The following IWS1 variants were observed in gnomAD, a reference collection of about 807,000 sequenced individuals.
The protein encoded by IWS1 is protein IWS1 homolog.
A neutral mutation model predicts 86.7 loss-of-function variants in IWS1; 27 were observed. The observed-to-expected ratio is 0.31, with a 90% CI of 0.23 to 0.43. IWS1 has a LOEUF of 0.43. Among genes scored for constraint, IWS1 ranks in the 20% least tolerant of loss-of-function variants. The pLI, the probability that IWS1 is intolerant of heterozygous loss-of-function variation, is 1.00. For synonymous variants in IWS1, 313 were observed against 335.1 expected (o/e 0.93, Z 0.72); for missense variants, 827 against 1,000.8 (o/e 0.83, Z 2.34).
intron 2 of IWS1, chr2:127,514,709 G>C (rs1006670080): frequency 6.6e-6 from 1 of 152,526 alleles, no homozygotes; most frequent in African/African-American, 2.4e-5. Flanking sequence ...GCCAGCGCCT[G>C]TGTCGGTGCC....
chr2:127,499,744 G>GT lies in IWS1; in HGVS notation c.1468-1508dup. Among the ~76,000 whole-genome samples, 1 of 150,526 alleles carries GT rather than the reference G, an allele frequency of 6.6e-6. No homozygotes were observed. The highest frequency in any genetic ancestry group is 1.5e-5 in the Non-Finnish European group (1 of 67,924). ...TCTCTATTGCATTGGTTAAAAATAA[G>GT]TATTGTTTTTTTTTTGACCCAAGAA... On this transcript the variant is annotated intron_variant, in intron 5 of 13. Coordinates refer to ENST00000295321, the MANE Select transcript of IWS1 (RefSeq NM_017969.3). The surrounding 1 kb of genome is among the most constrained non-coding windows in gnomAD (Gnocchi z 4.0).
At chr2:127,495,202 G>A (rs12616200) in intron 7 of IWS1, among the ~76,000 whole-genome samples, 20,644 of 151,992 alleles carry the variant, frequency 0.14, 1,698 homozygotes, top group South Asian at 0.3. Flanking sequence ...TTTTAATGTA[G>A]AACATTAGCA....
At chr2:127,493,574 AT>A (rs1690346330) in intron 8 of IWS1, among the ~76,000 whole-genome samples, 164 bp from the exon 9 acceptor site, 1 of 152,250 alleles carries the variant, frequency 6.6e-6, no homozygotes, top group Non-Finnish European at 1.5e-5. Flanking sequence ...GCAGTATGAC[AT>A]TTAGTTCTTA....
chr2:127,505,390 G>C lies in IWS1; in HGVS notation c.513C>G (p.Asp171Glu). The C allele has an allele frequency of 6.2e-7, 1 of 1,614,152 alleles. No homozygotes were observed. Among genetic ancestry groups the C allele is most frequent in the Non-Finnish European group, 8.5e-7 (1 of 1,180,032 alleles). Reference sequence around the variant, plus strand: ...GTTTTAGAGCATCTTCTGTTTCAGAGTCACTAGCAGGACTCTTCTGGAGCT... The same window carrying C: ...GTTTTAGAGCATCTTCTGTTTCAGACTCACTAGCAGGACTCTTCTGGAGCT... Reference protein sequence around the residue: ...IEELQKSPASDSETEDALKPQ... With the variant: ...IEELQKSPASESETEDALKPQ... Residue 171 changes from aspartate to glutamate, a missense_variant, in exon 3 of 14, where the codon GAC becomes GAG. This residue lies in a region of IWS1 where 548 missense variants were observed against 560.2 expected (regional missense o/e 0.98). Coordinates refer to ENST00000295321, the MANE Select transcript of IWS1 (RefSeq NM_017969.3). This position sits in a 1 kb window ranked among gnomAD's most constrained non-coding sequence, Gnocchi z 5.0.
Position 127,526,292 on chromosome 2 carries a change from C to T in IWS1, c.-84G>A. ...CCAGGCGGTGTGACCCCGGATGGCG[C>T]GGCTAAGTGTTCAGAGACTGCCGCC... is the stretch of plus-strand genomic sequence containing the variant. On this transcript the variant is annotated 5_prime_UTR_variant, in exon 1 of 14. Coordinates refer to ENST00000295321, the MANE Select transcript of IWS1 (RefSeq NM_017969.3). 1.0e-5 allele frequency: 16 copies of T among 1,543,988 alleles called. No individual in the cohort carries two copies. The highest frequency in any genetic ancestry group is 1.3e-5 in the Non-Finnish European group (15 of 1,146,850).
upstream of IWS1, chr2:127,526,663 C>G: frequency 7.6e-7 from 1 of 1,320,084 alleles, no homozygotes; most frequent in East Asian, 5.3e-5. Flanking sequence ...TGGTCTGACC[C>G]CCGTGGTAAT....
Position 127,523,777 on chromosome 2 carries a change from T to C in IWS1, c.49A>G (p.Thr17Ala). ...GAATCCCGTTCATCCTGTACTGGGG[T>C]AGCACCACCATCATCTGATTAAAAA... ...SGDQSDDGGA[T>A]PVQDERDSGS... The change falls in exon 2 of 14, where the codon ACC becomes GCC. Residue 17 changes from threonine (T) to alanine (A), a missense_variant. By Grantham distance (58) the Thr-to-Ala change is moderately conservative (BLOSUM62 0). Transcript: ENST00000295321. 1 of 1,611,746 alleles carries C rather than the reference T, an allele frequency of 6.2e-7. No homozygotes were observed.
rs538353202 is a variant in IWS1, at chr2:127,496,073, G to A, written c.1641C>T (p.Arg547=). ...KSMSGKRRRN[R]DGGTFISDAD... ...CATCACTAATAAAGGTGCCACCATC[G>A]CGGTTCCGTCTGCGCTTGCCACTCA... The change falls in exon 7 of 14, where the codon CGC becomes CGT. Residue 547 remains arginine (R), a synonymous_variant. Transcript: ENST00000295321. The A allele has an allele frequency of 2.9e-5, 47 of 1,613,892 alleles. No individual in the cohort carries two copies. Among genetic ancestry groups the A allele is most frequent in the Middle Eastern group, 1.6e-4 (1 of 6,062 alleles).
intron 2 of IWS1, among the ~76,000 whole-genome samples, chr2:127,517,855 A>C (rs1274623498): frequency 6.6e-6 from 1 of 152,352 alleles, no homozygotes; most frequent in East Asian, 1.9e-4. Flanking sequence ...AAAATATAGT[A>C]TATCCATATA....
chr2:127,520,313 C>T (rs990607932), intron 2 of IWS1, among the ~76,000 whole-genome samples: 9 of 152,022 alleles, frequency 5.9e-5, no homozygotes, highest in African/African-American at 1.7e-4. Flanking sequence ...GGACTACAGG[C>T]GCAAACCACC....
Position 127,489,659 on chromosome 2 carries a change from C to G in IWS1, c.2159+173G>C. The G allele has an allele frequency of 1.7e-6, 1 of 591,324 alleles. No homozygotes were observed. Among genetic ancestry groups the G allele is most frequent in the Non-Finnish European group, 3.0e-6 (1 of 332,606 alleles). The allele number at this position is 591,324 out of a possible 1,614,324, so 36.6% of individuals were successfully genotyped here. Reference sequence around the variant, plus strand: ...AAGGTCTGGTTAGGAGGACAGGACCCTCACTATACACTATCACATTTAAAC... The same window carrying G: ...AAGGTCTGGTTAGGAGGACAGGACCGTCACTATACACTATCACATTTAAAC... On this transcript the variant is annotated intron_variant, in intron 11 of 13. Transcript: ENST00000295321. This position sits in a 1 kb window ranked among gnomAD's most constrained non-coding sequence, Gnocchi z 4.8.
rs1016353770 is a variant in IWS1 at position 127,526,039 on chromosome 2, T to C, written c.34+136A>G. The C allele has an allele frequency of 9.1e-6, 7 of 771,138 alleles. No individual in the cohort carries two copies. The African/African-American group carries it at 1.2e-4, about 14-fold the overall frequency. The allele number at this position is 771,138 out of a possible 1,614,324, so 47.8% of individuals were successfully genotyped here. On this transcript the variant is annotated intron_variant, in intron 1 of 13. Coordinates refer to ENST00000295321, the MANE Select transcript of IWS1 (RefSeq NM_017969.3). Reference sequence around the variant, plus strand: ...CGACGCTTGCAGCTGGTCAGAGGGCTCTTGCCCTCCTCGGGCCGGGTCGCG... The same window carrying C: ...CGACGCTTGCAGCTGGTCAGAGGGCCCTTGCCCTCCTCGGGCCGGGTCGCG...
At chr2:127,508,759 C>A (rs1691280221) in intron 2 of IWS1, among the ~76,000 whole-genome samples, 1 of 152,124 alleles carries the variant, frequency 6.6e-6, no homozygotes, top group South Asian at 2.1e-4. Flanking sequence ...CTGTCTAGAA[C>A]CTAAATTATA....
chr2:127,512,347 C>A (rs375408541), intron 2 of IWS1, among the ~76,000 whole-genome samples: 25 of 152,306 alleles, frequency 1.6e-4, no homozygotes, highest in Non-Finnish European at 3.1e-4. Flanking sequence ...ACGGCCACCC[C>A]TCACTTGGTG....
chr2:127,505,752 T>A lies in IWS1; in HGVS notation c.151A>T (p.Asn51Tyr). Residue 51 changes from asparagine to tyrosine, a missense_variant and splice_region_variant, in exon 3 of 14, where the codon AAT becomes TAT. By Grantham distance (143) the Asn-to-Tyr change is moderately radical. Transcript: ENST00000295321. The surrounding 1 kb of genome is among the most constrained non-coding windows in gnomAD (Gnocchi z 5.0). Reference protein sequence around the residue: ...DTGSVERHSENETSDREDGLP... With the variant: ...DTGSVERHSEYETSDREDGLP... ...CCATCTTCTCGATCACTAGTTTCAT[T>A]CTGAAAAATAAAGTGAGAAAAAATT... 6.7e-7 allele frequency: 1 copy of A among 1,501,784 alleles called. No individual in the cohort carries two copies. The highest frequency in any genetic ancestry group is 8.9e-7 in the Non-Finnish European group (1 of 1,124,340). 93.0% of individuals were successfully genotyped at this position (1,501,784 alleles called of 1,614,324 possible).
At chr2:127,485,513 A>C (rs941280686) in intron 13 of IWS1, among the ~76,000 whole-genome samples, 9 of 152,308 alleles carry the variant, frequency 5.9e-5, no homozygotes, top group Admixed American at 1.3e-4. Context: ...AGCAGGAAAC[A>C]AGCTACCTCC....
At chr2:127,504,583 C>G in intron 3 of IWS1, 101 bp downstream of exon 3, 2 of 845,850 alleles carry the variant, frequency 2.4e-6, no homozygotes, top group Non-Finnish European at 1.9e-6. Flanking sequence ...AGCTGAATAA[C>G]AGAACACAGA....
At chr2:127,509,550 T>G (rs977430315) in intron 2 of IWS1, among the ~76,000 whole-genome samples, 1 of 151,524 alleles carries the variant, frequency 6.6e-6, no homozygotes, top group East Asian at 1.9e-4. Context: ...CTACGAAAAA[T>G]GCAAAAAATT....
chr2:127,523,639 G>C, intron 2 of IWS1, 37 bp downstream of exon 2: 1 of 1,371,642 alleles, frequency 7.3e-7, no homozygotes, highest in Non-Finnish European at 1.0e-6. Context: ...CAGAACGCAA[G>C]GGAAAAGCCC....
Sources: allele counts gnomAD v4.1 joint callset (sites outside exome capture counted in the v4.1 genomes callset), GRCh38; gene constraint gnomAD v4.1.1; regional missense constraint gnomAD v4.1.1; non-coding constraint Gnocchi (gnomAD v3.1); transcripts MANE v1.5; gene names NCBI Gene and HGNC (gene_info 2026-07-23, HGNC 2026-07-21).